SPOCK3: variants seen among roughly 807,000 people sequenced by gnomAD.
The protein encoded by SPOCK3 is SPARC (osteonectin), cwcv and kazal like domains proteoglycan 3, also known as testican-3.
In SPOCK3, 30 loss-of-function variants were observed where a neutral mutation model predicts 56.6. That is an observed-to-expected ratio of 0.53 (90% CI 0.40 to 0.72). SPOCK3 has a LOEUF of 0.72. SPOCK3 is among the 30% of genes least tolerant of loss of function. The probability of loss-of-function intolerance (pLI) is 0.00; values close to 1 mark genes in which losing one functional copy is unlikely to be tolerated. For missense variants in SPOCK3, 527 were observed against 530.0 expected (o/e 0.99, Z 0.06); for synonymous variants, 196 against 183.3 (o/e 1.07, Z -0.56).
At chr4:166,954,402 C>T (rs1441193839) in intron 4 of SPOCK3, among the ~76,000 whole-genome samples, 2 of 151,976 alleles carry the variant, frequency 1.3e-5, no homozygotes, top group Non-Finnish European at 1.5e-5. Context: ...GAAGTTTTCC[C>T]CTATGATTTT....
At chr4:167,035,394 A>C (rs564799335) in intron 3 of SPOCK3, among the ~76,000 whole-genome samples, 10 of 152,118 alleles carry the variant, frequency 6.6e-5, no homozygotes, top group Non-Finnish European at 1.3e-4. Context: ...ATAAGCAGAT[A>C]ATGTAATGTA....
chr4:166,774,259 A>G (rs182461409), intron 7 of SPOCK3, among the ~76,000 whole-genome samples: 14 of 152,266 alleles, frequency 9.2e-5, no homozygotes, highest in Non-Finnish European at 1.6e-4. Context: ...AATGAACGAT[A>G]CGTAAGAGTG....
intron 4 of SPOCK3, among the ~76,000 whole-genome samples, chr4:166,946,143 C>A (rs909282802): frequency 2.0e-5 from 3 of 152,032 alleles, no homozygotes; most frequent in Non-Finnish European, 4.4e-5. Flanking sequence ...CTGTTTTGCT[C>A]ATAAAAATGT....
At chr4:167,018,792 A>G (rs1358227202) in intron 3 of SPOCK3, among the ~76,000 whole-genome samples, 2 of 151,994 alleles carry the variant, frequency 1.3e-5, no homozygotes, top group Non-Finnish European at 2.9e-5. Context: ...GTTGGCTTCT[A>G]TCAGCAGAGT....
chr4:166,806,542 G>A (rs541297621), intron 6 of SPOCK3, among the ~76,000 whole-genome samples: 46 of 152,072 alleles, frequency 3.0e-4, no homozygotes, highest in South Asian at 1.0e-3. Flanking sequence ...GGCTTCTCAT[G>A]AAAATATTAT....
At chr4:167,177,888 C>T (rs1731121442) in intron 2 of SPOCK3, among the ~76,000 whole-genome samples, 2 of 152,078 alleles carry the variant, frequency 1.3e-5, no homozygotes, top group Admixed American at 1.3e-4. Context: ...CAGCTCCTAC[C>T]AATACTAAGA....
chr4:166,983,157 G>A (rs1200170387), intron 4 of SPOCK3, among the ~76,000 whole-genome samples: 1 of 152,120 alleles, frequency 6.6e-6, no homozygotes, highest in Non-Finnish European at 1.5e-5. Flanking sequence ...AGACTATGGT[G>A]TAGTTGAAAA....
At chr4:166,923,146 A>G (rs1738689581) in intron 4 of SPOCK3, among the ~76,000 whole-genome samples, 1 of 152,152 alleles carries the variant, frequency 6.6e-6, no homozygotes, top group Non-Finnish European at 1.5e-5. Context: ...GTAGCTATTG[A>G]CATTTCTTGG....
chr4:166,836,826 A>G (rs1011157407), intron 6 of SPOCK3, among the ~76,000 whole-genome samples: 1 of 152,214 alleles, frequency 6.6e-6, no homozygotes, highest in Non-Finnish European at 1.5e-5. Flanking sequence ...TCTGACTACC[A>G]TCTGTATCTT....
chr4:167,129,458 G>T (rs775273804), intron 2 of SPOCK3, among the ~76,000 whole-genome samples: 2 of 152,150 alleles, frequency 1.3e-5, no homozygotes, highest in African/African-American at 2.4e-5. Flanking sequence ...GTTTCTCCTT[G>T]CTAGTGTTCT....
chr4:166,872,643 A>G (rs1732605183), intron 6 of SPOCK3, among the ~76,000 whole-genome samples: 1 of 152,218 alleles, frequency 6.6e-6, no homozygotes, highest in Non-Finnish European at 1.5e-5. Flanking sequence ...AAGCCATGAA[A>G]GGACATCAAA....
chr4:167,206,657 T>A (rs1734365541), intron 2 of SPOCK3, among the ~76,000 whole-genome samples: 1 of 152,060 alleles, frequency 6.6e-6, no homozygotes. Flanking sequence ...AAATATTATA[T>A]CAACTGAACA....
At chr4:167,129,892 G>T (rs1032652818) in intron 2 of SPOCK3, among the ~76,000 whole-genome samples, 3 of 152,126 alleles carry the variant, frequency 2.0e-5, no homozygotes, top group Non-Finnish European at 4.4e-5. Flanking sequence ...CACAGTTTTT[G>T]ATTTAATCTC....
chr4:167,036,110 A>C (rs1752723897), intron 3 of SPOCK3, among the ~76,000 whole-genome samples: 1 of 152,222 alleles, frequency 6.6e-6, no homozygotes, highest in Non-Finnish European at 1.5e-5. Context: ...AATATATTTA[A>C]ATCAGAATCT....
intron 8 of SPOCK3, chr4:166,754,266 T>TA: frequency 8.2e-7 from 1 of 1,215,244 alleles, no homozygotes; most frequent in Non-Finnish European, 1.0e-6. Context: ...TAATGGAAAC[T>TA]ATAATGTAGT....
chr4:166,998,279 A>G (rs1316708146), intron 4 of SPOCK3, among the ~76,000 whole-genome samples: 1 of 152,166 alleles, frequency 6.6e-6, no homozygotes, highest in Admixed American at 6.6e-5. Context: ...CACTAAAAGC[A>G]TATTAGTCTC....
intron 2 of SPOCK3, among the ~76,000 whole-genome samples, chr4:167,125,424 A>C (rs1017478889): frequency 6.7e-6 from 1 of 149,278 alleles, no homozygotes. Context: ...AAAAAAAAAA[A>C]CACCCCCGGC....
chr4:167,164,673 T>C (rs959396417), intron 2 of SPOCK3, among the ~76,000 whole-genome samples: 13 of 152,110 alleles, frequency 8.5e-5, no homozygotes, highest in Non-Finnish European at 1.8e-4. Flanking sequence ...CTCCCACTTA[T>C]GAGTGAGAAC....
intron 6 of SPOCK3, among the ~76,000 whole-genome samples, chr4:166,794,620 CTTT>C (rs950662897): frequency 7.2e-6 from 1 of 139,422 alleles, no homozygotes; most frequent in African/African-American, 2.6e-5. Context: ...GTTTCTTTTT[CTTT>C]TTTTTTTCTT....
Sources: gnomAD v4.1 joint callset for allele counts (sites outside exome capture counted in the v4.1 genomes callset) on GRCh38, gnomAD v4.1.1 for gene constraint, MANE v1.5 for transcripts, NCBI Gene and HGNC (gene_info 2026-07-23, HGNC 2026-07-21) for gene names.